ANXA6: variants seen among roughly 807,000 people sequenced by gnomAD.
ANXA6 encodes the protein 67 kDa calelectrin.
A neutral mutation model predicts 95.4 loss-of-function variants in ANXA6; 71 were observed. That is an observed-to-expected ratio of 0.74 (90% confidence interval 0.61 to 0.91). The LOEUF is 0.91. ANXA6 is among the 40% of genes least tolerant of loss of function. ANXA6 has a pLI of 0.00. For missense variants in ANXA6, 830 were observed against 876.4 expected (o/e 0.95, Z 0.67); for synonymous variants, 289 against 315.9 (o/e 0.91, Z 0.90).
chr5:151,145,843 AT>A (rs1163659779), intron 2 of ANXA6, among the ~76,000 whole-genome samples: 1 of 152,012 alleles, frequency 6.6e-6, no homozygotes, highest in African/African-American at 2.4e-5. Flanking sequence ...AGCACGCTGC[AT>A]TTGCTCTCCT....
chr5:151,125,894 A>G (rs13189045), intron 14 of ANXA6, among the ~76,000 whole-genome samples: 13,344 of 152,172 alleles, frequency 0.088, 737 homozygotes, highest in Non-Finnish European at 0.12. Flanking sequence ...TACATAGCGA[A>G]TAAGTAACAG....
intron 20 of ANXA6, among the ~76,000 whole-genome samples, chr5:151,111,139 C>T (rs1314696731): frequency 1.3e-5 from 2 of 152,202 alleles, no homozygotes; most frequent in East Asian, 1.9e-4. Context: ...AAAGACTGGC[C>T]AGCTGAGGCC....
intron 1 of ANXA6, chr5:151,151,489 T>G (rs952779204): frequency 6.6e-6 from 1 of 152,144 alleles, no homozygotes; most frequent in Non-Finnish European, 1.5e-5. Context: ...CCCACACAAC[T>G]GTGGGTCTTG....
chr5:151,117,864 A>G (rs1357161891), intron 18 of ANXA6, 27 bp from the exon 19 acceptor site: 3 of 1,593,520 alleles, frequency 1.9e-6, no homozygotes, highest in Middle Eastern at 3.3e-4. Flanking sequence ...GGGTGTGGGT[A>G]GCTGCTGGCC....
chr5:151,110,116 G>C (rs936380275), intron 21 of ANXA6, among the ~76,000 whole-genome samples: 7 of 152,088 alleles, frequency 4.6e-5, no homozygotes, highest in African/African-American at 1.7e-4. Flanking sequence ...TGGGGCTGGG[G>C]CTCCTAGGAG....
Position 151,103,661 on chromosome 5 carries a change from C to T in ANXA6, c.1871G>A (p.Arg624Lys), listed in dbSNP as rs1453453408. 16 of 1,610,838 alleles carry T rather than the reference C, an allele frequency of 9.9e-6. No homozygotes were observed. The highest frequency in any genetic ancestry group is 1.4e-5 in the Non-Finnish European group (16 of 1,178,638). Residue 624 changes from arginine to lysine, a missense_variant, in exon 25 of 26, where the codon AGG becomes AAG. Transcript: ENST00000354546. ...GAGTDEKTLTRIMVSRSEIDL... is the reference protein window; with the variant it reads ...GAGTDEKTLTKIMVSRSEIDL... ...AATCTCACTGCGGGATACCATGATC[C>T]TGGTCAGAGTCTTCTCATCTGTGCC...
intron 1 of ANXA6, among the ~76,000 whole-genome samples, chr5:151,150,492 G>A (rs774073486): frequency 2.0e-5 from 3 of 152,312 alleles, no homozygotes; most frequent in South Asian, 4.1e-4. Flanking sequence ...GGCCTCTGTC[G>A]TGTTTGCCTC....
intron 4 of ANXA6, chr5:151,139,086 T>A: frequency 1.7e-6 from 1 of 589,662 alleles, no homozygotes; most frequent in Non-Finnish European, 3.0e-6. Context: ...TCTCTCACTA[T>A]CTGGCAGTCC....
chr5:151,138,202 G>A (rs537207978), intron 5 of ANXA6, among the ~76,000 whole-genome samples: 1 of 152,134 alleles, frequency 6.6e-6, no homozygotes, highest in East Asian at 1.9e-4. Context: ...TACCTCAACC[G>A]GGCTGAACTA....
chr5:151,114,082 A>C (rs2113903929), intron 20 of ANXA6, among the ~76,000 whole-genome samples: 1 of 152,364 alleles, frequency 6.6e-6, no homozygotes, highest in Non-Finnish European at 1.5e-5. Flanking sequence ...TGGAAGAGGC[A>C]CATCTGGAGA....
At chr5:151,124,912 C>A (rs1765275288) in intron 14 of ANXA6, among the ~76,000 whole-genome samples, 1 of 152,206 alleles carries the variant, frequency 6.6e-6, no homozygotes, top group Non-Finnish European at 1.5e-5. Flanking sequence ...AATTCAACTT[C>A]TTTTCTGTCT....
chr5:151,101,572 G>A (rs1485396391), intron 25 of ANXA6, 65 bp from the exon 26 acceptor site: 16 of 1,422,438 alleles, frequency 1.1e-5, no homozygotes, highest in East Asian at 2.5e-5. Context: ...CCCTCCTCCC[G>A]GCTGCCCATC....
At chr5:151,130,227 T>C (rs919897051) in intron 11 of ANXA6, among the ~76,000 whole-genome samples, 5 of 152,094 alleles carry the variant, frequency 3.3e-5, no homozygotes, top group East Asian at 3.9e-4. Context: ...TATAAGTTTT[T>C]TTTTTCTTTT....
At chr5:151,139,063 T>G (rs1185234079) in intron 4 of ANXA6, 4 of 592,658 alleles carry the variant, frequency 6.7e-6, no homozygotes, top group Non-Finnish European at 1.2e-5. Flanking sequence ...TGTTTCCTCG[T>G]TTACTGTGTA....
chr5:151,111,693 A>G (rs566417646), intron 20 of ANXA6, among the ~76,000 whole-genome samples: 2 of 152,302 alleles, frequency 1.3e-5, no homozygotes, highest in Admixed American at 1.3e-4. Flanking sequence ...GGCTCAAGCG[A>G]TTCTCCTGCC....
In ANXA6 at chr5:151,132,993, G is replaced by C. The variant is rs187243055; in HGVS notation, c.640+101C>G. On this transcript the variant is annotated intron_variant, in intron 9 of 25. Transcript: ENST00000354546. The stretch of plus-strand genomic sequence containing the variant: ...TAAAGTTTGGGTTGGGAATGAAGTA[G>C]GTATCATGTTCCATTAGTGGTAAAG... 6.9e-6 allele frequency: 6 copies of C among 875,116 alleles called. No individual in the cohort carries two copies. In the Admixed American group the frequency reaches 1.3e-4, roughly 20 times the overall value. 54.2% of individuals were successfully genotyped at this position (875,116 alleles called of 1,614,324 possible).
chr5:151,105,931 C>T (rs1764683489), intron 23 of ANXA6, among the ~76,000 whole-genome samples: 1 of 152,154 alleles, frequency 6.6e-6, no homozygotes, highest in Non-Finnish European at 1.5e-5. Context: ...GGCAAAACTG[C>T]AATGACTTTT....
At chr5:151,112,984 T>C (rs113379627) in intron 20 of ANXA6, among the ~76,000 whole-genome samples, 3,107 of 152,004 alleles carry the variant, frequency 0.02, 111 homozygotes, top group African/African-American at 0.07. Context: ...GAAGGGAGAA[T>C]GGGGAGTGAC....
chr5:151,106,051 A>G (rs1234034470), intron 23 of ANXA6, among the ~76,000 whole-genome samples: 1 of 152,164 alleles, frequency 6.6e-6, no homozygotes, highest in Non-Finnish European at 1.5e-5. Flanking sequence ...TATTGCTCCA[A>G]AGAATGACTG....
Sources: allele counts gnomAD v4.1 joint callset (sites outside exome capture counted in the v4.1 genomes callset), GRCh38; gene constraint gnomAD v4.1.1; transcripts MANE v1.5; gene names NCBI Gene and HGNC (gene_info 2026-07-23, HGNC 2026-07-21).